The following ADAM2 variants were observed in gnomAD, a reference collection of about 807,000 sequenced individuals.
The protein encoded by ADAM2 is disintegrin and metalloproteinase domain-containing protein 2.
A neutral mutation model predicts 99.3 loss-of-function variants in ADAM2; 101 were observed. The ratio of observed to expected loss-of-function variants is 1.02; its 90% CI spans 0.87 to 1.20. ADAM2 has a LOEUF of 1.20. ADAM2 is among the 50% of genes most tolerant of loss of function. The pLI, the probability that ADAM2 is intolerant of heterozygous loss-of-function variation, is 0.00. For synonymous variants in ADAM2, 323 were observed against 287.6 expected (o/e 1.12, Z -1.25); for missense variants, 948 against 878.7 (o/e 1.08, Z -1.00).
intron 11 of ADAM2, among the ~76,000 whole-genome samples, chr8:39,776,225 T>A (rs968897186): frequency 6.6e-6 from 1 of 152,116 alleles, no homozygotes. Flanking sequence ...GTTTGTTTTC[T>A]AAAGCCACTC....
At chr8:39,778,196 T>A (rs1052244972) in intron 10 of ADAM2, among the ~76,000 whole-genome samples, 1 of 151,884 alleles carries the variant, frequency 6.6e-6, no homozygotes, top group Non-Finnish European at 1.5e-5. Context: ...ATATATCTAC[T>A]AACATTTTGA....
intron 4 of ADAM2, among the ~76,000 whole-genome samples, chr8:39,824,491 T>C (rs1162406895): frequency 6.6e-6 from 1 of 152,172 alleles, no homozygotes; most frequent in African/African-American, 2.4e-5. Context: ...TAGATTCTTA[T>C]TTTCTCCTCA....
At chr8:39,808,944 A>T (rs1054883844) in intron 7 of ADAM2, among the ~76,000 whole-genome samples, 18 of 152,122 alleles carry the variant, frequency 1.2e-4, no homozygotes, top group African/African-American at 4.1e-4. Flanking sequence ...TACATAAAGA[A>T]AAATAAACAT....
intron 10 of ADAM2, among the ~76,000 whole-genome samples, chr8:39,786,622 T>C (rs570584729): frequency 6.6e-6 from 1 of 152,308 alleles, no homozygotes; most frequent in Non-Finnish European, 1.5e-5. Flanking sequence ...ATCTGGTTAA[T>C]AATTATGTTC....
chr8:39,783,357 TC>T (rs1803312793), intron 10 of ADAM2, among the ~76,000 whole-genome samples: 1 of 152,226 alleles, frequency 6.6e-6, no homozygotes, highest in Non-Finnish European at 1.5e-5. Flanking sequence ...GTTGTTTTTT[TC>T]CATTCTTAAA....
At chr8:39,770,687 A>G (rs532905425) in intron 11 of ADAM2, among the ~76,000 whole-genome samples, 257 of 152,336 alleles carry the variant, frequency 1.7e-3, no homozygotes, top group African/African-American at 5.8e-3. Flanking sequence ...GTAAAGTACT[A>G]AAAACTGTGC....
intron 17 of ADAM2, 81 bp downstream of exon 17, chr8:39,749,570 TGTGTGTGTGTGTGTGC>T: frequency 2.3e-6 from 3 of 1,320,266 alleles, no homozygotes; most frequent in Non-Finnish European, 3.1e-6. Flanking sequence ...TTTTGGTGTG[TGTGTGTGTGTGTGTGC>T]GTGTGTGTGT....
At chr8:39,752,686 G>GTCA (rs1257448792) in intron 16 of ADAM2, among the ~76,000 whole-genome samples, 1 of 152,182 alleles carries the variant, frequency 6.6e-6, no homozygotes, top group Non-Finnish European at 1.5e-5. Flanking sequence ...TAACGACAGT[G>GTCA]TCATGGGAGA....
At chr8:39,757,478 A>G (rs1802194350) in intron 15 of ADAM2, among the ~76,000 whole-genome samples, 1 of 152,196 alleles carries the variant, frequency 6.6e-6, no homozygotes, top group Non-Finnish European at 1.5e-5. Flanking sequence ...GGACATTATT[A>G]AAATACGGGT....
intron 3 of ADAM2, among the ~76,000 whole-genome samples, chr8:39,826,713 A>G (rs1401498737): frequency 7.0e-6 from 1 of 143,798 alleles, no homozygotes; most frequent in Non-Finnish European, 1.6e-5. Context: ...ACAGAGCGAG[A>G]AAAAAAAAAA....
intron 14 of ADAM2, among the ~76,000 whole-genome samples, chr8:39,763,439 T>C (rs888994379): frequency 3.9e-5 from 6 of 152,172 alleles, no homozygotes; most frequent in African/African-American, 1.4e-4. Context: ...AAACCCATGA[T>C]TTGTGTCCTT....
chr8:39,749,686 T>G lies in ADAM2; in HGVS notation c.1856A>C (p.Asp619Ala). ...ACTTACACCTCTATCATTGCATTTGTCAGTAGTACAATCATAACCCAAGTA... is the reference window on the plus strand; with the variant it reads ...ACTTACACCTCTATCATTGCATTTGGCAGTAGTACAATCATAACCCAAGTA... Reference protein sequence around the residue: ...SSYLGYDCTTDKCNDRGVCNN... With the variant: ...SSYLGYDCTTAKCNDRGVCNN... Residue 619 changes from aspartate (D) to alanine (A), a missense_variant, in exon 17 of 21, where the codon GAC (aspartate) becomes GCC (alanine). Transcript: ENST00000265708. 1 of 1,612,078 alleles carries G rather than the reference T, an allele frequency of 6.2e-7. No individual in the cohort carries two copies. The highest frequency in any genetic ancestry group is 8.5e-7 in the Non-Finnish European group (1 of 1,178,690).
In ADAM2 at chr8:39,788,136, C is replaced by A; in HGVS notation, c.758G>T (p.Trp253Leu). ...ANELLHTFLR[W>L]KTSYLVLRPH... ...ACGTAAAACAAGATAAGATGTTTTC[C>A]ATCTTAAAAATGTGTGTAATAACTC... is the stretch of plus-strand genomic sequence containing the variant. Residue 253 changes from tryptophan (W) to leucine (L), a missense_variant, in exon 9 of 21, where the codon TGG (tryptophan) becomes TTG (leucine). By Grantham distance (61) the Trp-to-Leu change is moderately conservative. Coordinates refer to ENST00000265708, the MANE Select transcript of ADAM2 (RefSeq NM_001464.5). 6.3e-7 allele frequency: 1 copy of A among 1,576,746 alleles called. No individual in the cohort carries two copies. Among genetic ancestry groups the A allele is most frequent in the Non-Finnish European group, 8.6e-7 (1 of 1,163,216 alleles).
At chr8:39,832,871 T>C (rs1006271746) in intron 3 of ADAM2, among the ~76,000 whole-genome samples, 1 of 152,168 alleles carries the variant, frequency 6.6e-6, no homozygotes, top group Non-Finnish European at 1.5e-5. Context: ...ATTCATCCAT[T>C]ACATCACCAT....
In ADAM2 at chr8:39,763,150, G is replaced by GA. The variant is rs1181506305; in HGVS notation, c.1508-1870dup. ...TTTTATCTAAACTTTCCATTCCCTG[G>GA]AAAAATCTCTGTTACCAGGTGGCTA... On this transcript the variant is annotated intron_variant, in intron 14 of 20. Transcript: ENST00000265708. 3.3e-5 allele frequency among the ~76,000 whole-genome samples: 5 copies of GA among 152,090 alleles called. No individual in the cohort carries two copies. In the East Asian group the frequency reaches 9.7e-4, roughly 29 times the overall value.
intron 10 of ADAM2, among the ~76,000 whole-genome samples, chr8:39,777,983 T>C (rs1267877666): frequency 6.7e-6 from 1 of 148,762 alleles, no homozygotes; most frequent in Non-Finnish European, 1.5e-5. Context: ...TGTTTCAATT[T>C]TATTGGGAAA....
At chr8:39,792,883 C>G (rs534295152) in intron 7 of ADAM2, among the ~76,000 whole-genome samples, 64 of 152,186 alleles carry the variant, frequency 4.2e-4, no homozygotes, top group African/African-American at 1.4e-3. Flanking sequence ...AGGTTTAACT[C>G]TGAATTCAGT....
chr8:39,769,545 G>A lies in ADAM2; in HGVS notation c.1059C>T (p.Asn353=), dbSNP rs1802696423. The A allele has an allele frequency of 1.2e-5, 19 of 1,613,664 alleles. No individual in the cohort carries two copies. The highest frequency in any genetic ancestry group is 1.6e-5 in the Non-Finnish European group (19 of 1,179,664). The part of the protein sequence containing the change: ...IHFSGVKIFS[N]CSFEDFAHFI... ...AATGTGCAAAGTCTTCGAAGCTGCA[G>A]TTACTAAAGATCTTCACACCACTGA... Residue 353 remains asparagine, a synonymous_variant, in exon 12 of 21, where the codon AAC becomes AAT. Transcript: ENST00000265708.
At chr8:39,781,024 T>G (rs1267503067) in intron 10 of ADAM2, among the ~76,000 whole-genome samples, 2 of 151,976 alleles carry the variant, frequency 1.3e-5, no homozygotes, top group Admixed American at 1.3e-4. Context: ...TTTTTTTTTT[T>G]TTGAGATGGA....
Sources: allele counts gnomAD v4.1 joint callset (sites outside exome capture counted in the v4.1 genomes callset), GRCh38; gene constraint gnomAD v4.1.1; transcripts MANE v1.5; gene names NCBI Gene and HGNC (gene_info 2026-07-23, HGNC 2026-07-21).